The following ICA1 variants were observed in gnomAD, a reference collection of about 807,000 sequenced individuals.
ICA1 encodes 69 kDa islet cell autoantigen.
ICA1 carries 40 observed loss-of-function variants against 71.0 expected under a neutral mutation model. The ratio of observed to expected loss-of-function variants is 0.56; its 90% confidence interval spans 0.44 to 0.73. ICA1 has a LOEUF of 0.73. Among genes scored for constraint, ICA1 ranks in the 30% least tolerant of loss-of-function variants. The probability of loss-of-function intolerance (pLI) is 0.00; values close to 1 mark genes in which losing one functional copy is unlikely to be tolerated. For missense variants in ICA1, 578 were observed against 576.5 expected, an observed-to-expected ratio of 1.00 and a Z score of -0.03; for synonymous variants, 207 against 209.5, an observed-to-expected ratio of 0.99 and a Z score of 0.10.
At chr7:8,200,034 T>C (rs1048085910) in intron 6 of ICA1, among the ~76,000 whole-genome samples, 1 of 152,302 alleles carries the variant, frequency 6.6e-6, no homozygotes, top group African/African-American at 2.4e-5. Context: ...AATTTAATTG[T>C]ACATTTTAAA....
chr7:8,127,817 G>A (rs886689304), intron 13 of ICA1, 56 bp downstream of exon 13: 1 of 1,512,320 alleles, frequency 6.6e-7, no homozygotes, highest in Non-Finnish European at 8.9e-7. Context: ...CTTTTGGATT[G>A]AAAACAAAAA....
At chr7:8,210,148 T>C (rs150264800) in intron 6 of ICA1, among the ~76,000 whole-genome samples, 144 of 152,262 alleles carry the variant, frequency 9.5e-4, no homozygotes, top group African/African-American at 3.3e-3. Flanking sequence ...CCAATTATAG[T>C]CCTTTAAATT....
Position 8,221,406 on chromosome 7 carries a change from A to G in ICA1, c.257-8T>C, listed in dbSNP as rs1797023589. ...TTTCTTCTTGAGACAAGACTGATGAAGAAAAGACCAAAAGGAGCCATGAAC... is the reference window on the plus strand; with the variant it reads ...TTTCTTCTTGAGACAAGACTGATGAGGAAAAGACCAAAAGGAGCCATGAAC... On this transcript the variant is annotated splice_region_variant and splice_polypyrimidine_tract_variant and intron_variant, in intron 4 of 13. Transcript: ENST00000402384. The G allele has an allele frequency of 6.2e-7, 1 of 1,612,980 alleles. No homozygotes were observed. Among genetic ancestry groups the G allele is most frequent in the African/African-American group, 1.3e-5 (1 of 74,868 alleles).
chr7:8,191,478 G>T (rs570872810), intron 6 of ICA1, among the ~76,000 whole-genome samples: 2 of 152,256 alleles, frequency 1.3e-5, no homozygotes, highest in South Asian at 4.1e-4. Context: ...AAGCACTGTA[G>T]TATAGTATAG....
At chr7:8,225,104 T>C (rs958652879) in intron 4 of ICA1, among the ~76,000 whole-genome samples, 1 of 152,236 alleles carries the variant, frequency 6.6e-6, no homozygotes, top group African/African-American at 2.4e-5. Context: ...CATGAGACAA[T>C]GCAAATGTCC....
At chr7:8,198,159 T>C (rs1788334611) in intron 6 of ICA1, among the ~76,000 whole-genome samples, 3 of 152,188 alleles carry the variant, frequency 2.0e-5, no homozygotes, top group Admixed American at 6.5e-5. Flanking sequence ...ATGTTACCCA[T>C]TGTCACAAAC....
intron 6 of ICA1, among the ~76,000 whole-genome samples, chr7:8,185,742 T>G (rs1054708887): frequency 7.9e-5 from 12 of 152,258 alleles, no homozygotes; most frequent in Admixed American, 3.9e-4. Context: ...AGCCTTAATT[T>G]CCAAATTAGT....
intron 6 of ICA1, among the ~76,000 whole-genome samples, chr7:8,174,907 C>T (rs75504450): frequency 1.9e-3 from 290 of 152,030 alleles, no homozygotes; most frequent in East Asian, 0.016. Flanking sequence ...GGAAAGAAAC[C>T]GAAGAATGAG....
At chr7:8,124,214 G>A (rs981168659) in intron 13 of ICA1, among the ~76,000 whole-genome samples, 11 of 145,936 alleles carry the variant, frequency 7.5e-5, no homozygotes, top group Admixed American at 1.4e-4. Flanking sequence ...TCCGCCTCCC[G>A]GGTTCACGCC....
At chr7:8,165,158 G>A (rs6463777) in intron 6 of ICA1, among the ~76,000 whole-genome samples, 143,289 of 152,264 alleles carry the variant, frequency 0.94, 67,453 homozygotes, top group African/African-American at 0.95. Flanking sequence ...CTTTTCATCC[G>A]AGGCTGATGA....
chr7:8,205,100 G>T (rs59171473), intron 6 of ICA1, among the ~76,000 whole-genome samples: 9,213 of 150,646 alleles, frequency 0.061, 562 homozygotes, highest in African/African-American at 0.16. Flanking sequence ...AAAAAGGCGG[G>T]GGGGTGGGCT....
At position 8,218,523 on chromosome 7, in the gene ICA1, C is replaced by T. The variant is rs746646761; in HGVS notation, c.381-20G>A. 1.4e-5 allele frequency: 22 copies of T among 1,610,320 alleles called. No individual in the cohort carries two copies. The highest frequency in any genetic ancestry group is 1.8e-5 in the Non-Finnish European group (21 of 1,176,882). On this transcript the variant is annotated intron_variant, in intron 5 of 13. Transcript: ENST00000402384. Reference sequence around the variant, plus strand: ...GCCAACCTAGACAAGAGGACAAAGCCACACTCTCAAAACTAAGCCAGTGAG... The same window carrying T: ...GCCAACCTAGACAAGAGGACAAAGCTACACTCTCAAAACTAAGCCAGTGAG...
At chr7:8,139,180 C>T (rs760008856) in intron 10 of ICA1, 133 bp from the exon 11 acceptor site, 20 of 660,648 alleles carry the variant, frequency 3.0e-5, no homozygotes, top group Non-Finnish European at 4.3e-5. Flanking sequence ...AAGCAAGGGT[C>T]CTCAGATTAC....
intron 1 of ICA1, among the ~76,000 whole-genome samples, chr7:8,257,797 A>G (rs1810730163): frequency 6.6e-6 from 1 of 152,222 alleles, no homozygotes; most frequent in Non-Finnish European, 1.5e-5. Flanking sequence ...TGCTTACACT[A>G]ATTAGTGCAT....
Position 8,139,284 on chromosome 7 carries a change from C to T in ICA1, c.956-237G>A, listed in dbSNP as rs113563676. On this transcript the variant is annotated intron_variant, in intron 10 of 13. Coordinates refer to ENST00000402384, the MANE Select transcript of ICA1 (RefSeq NM_001136020.3). ...AGATAACCTGAAAACCATATGACAT[C>T]GATCTAACAATTCTCCTTCCATGGA... Among the ~76,000 whole-genome samples the T allele has an allele frequency of 6.4e-3, 979 of 152,266 alleles. 11 individuals are homozygous for T. The highest frequency in any genetic ancestry group is 0.022 in the African/African-American group (920 of 41,536).
chr7:8,250,028 T>C (rs537839849), intron 1 of ICA1, among the ~76,000 whole-genome samples: 1 of 152,344 alleles, frequency 6.6e-6, no homozygotes, highest in African/African-American at 2.4e-5. Flanking sequence ...ACAAAGCCAA[T>C]AGTCTTCAGA....
intron 6 of ICA1, among the ~76,000 whole-genome samples, chr7:8,167,832 G>T (rs1333178055): frequency 6.6e-6 from 1 of 152,106 alleles, no homozygotes; most frequent in African/African-American, 2.4e-5. Context: ...ATCAAAGCTG[G>T]GTGAATCAGA....
intron 8 of ICA1, among the ~76,000 whole-genome samples, chr7:8,147,718 ACACACACACAC>A (rs1184915640): frequency 4.6e-5 from 7 of 151,840 alleles, no homozygotes; most frequent in Non-Finnish European, 7.4e-5. Flanking sequence ...ACACACACAC[ACACACACACAC>A]AAGCTTAACT....
chr7:8,152,384 T>C (rs1006613711), intron 8 of ICA1, among the ~76,000 whole-genome samples: 1 of 151,968 alleles, frequency 6.6e-6, no homozygotes, highest in African/African-American at 2.4e-5. Flanking sequence ...ATAGAATTCA[T>C]AGTAAGTACA....
Sources: gnomAD v4.1 joint callset for allele counts (sites outside exome capture counted in the v4.1 genomes callset) on GRCh38, gnomAD v4.1.1 for gene constraint, MANE v1.5 for transcripts, NCBI Gene and HGNC (gene_info 2026-07-23, HGNC 2026-07-21) for gene names.